Variants in FAM13A observed in about 807,000 individuals in gnomAD.
FAM13A encodes protein FAM13A.
Under a neutral mutation model 129.6 loss-of-function variants are expected in FAM13A, and 76 were observed. The observed-to-expected ratio is 0.59, with a 90% confidence interval of 0.49 to 0.71. The LOEUF is 0.71. Ranked by LOEUF, FAM13A falls within the 30% of genes least tolerant of loss-of-function variation. FAM13A has a pLI of 0.00. For synonymous variants in FAM13A, 443 were observed against 449.9 expected (o/e 0.98, Z 0.20); for missense variants, 1,108 against 1,249.3 (o/e 0.89, Z 1.70).
At chr4:88,927,013 T>C (rs1390103892) in intron 5 of FAM13A, among the ~76,000 whole-genome samples, 2 of 152,180 alleles carry the variant, frequency 1.3e-5, no homozygotes, top group Non-Finnish European at 2.9e-5. Flanking sequence ...ATTTTCTTTA[T>C]CCAATTCTCC....
intron 8 of FAM13A, among the ~76,000 whole-genome samples, chr4:88,802,888 C>A (rs945260481): frequency 2.0e-5 from 3 of 152,162 alleles, no homozygotes; most frequent in Non-Finnish European, 4.4e-5. Context: ...GTCATCTACC[C>A]TCCTTCCTTT....
At chr4:88,838,739 G>A (rs1023522562) in intron 7 of FAM13A, among the ~76,000 whole-genome samples, 1 of 143,818 alleles carries the variant, frequency 7.0e-6, no homozygotes, top group Non-Finnish European at 1.5e-5. Flanking sequence ...AAAAAAAAAA[G>A]AAAAAGAAAA....
At chr4:88,872,608 C>T (rs1410305117) in intron 6 of FAM13A, among the ~76,000 whole-genome samples, 2 of 152,248 alleles carry the variant, frequency 1.3e-5, no homozygotes, top group South Asian at 2.1e-4. Context: ...ATAAATGCTC[C>T]CAATACAGGA....
At chr4:88,747,509 G>T (rs112314839) in intron 18 of FAM13A, 122 bp downstream of exon 18, 6 of 806,914 alleles carry the variant, frequency 7.4e-6, no homozygotes, top group Non-Finnish European at 1.2e-5. Flanking sequence ...CCCTAGACAC[G>T]TAACAGCCTG....
chr4:88,736,908 T>C (rs1359110044), intron 21 of FAM13A, among the ~76,000 whole-genome samples: 1 of 152,184 alleles, frequency 6.6e-6, no homozygotes, highest in Admixed American at 6.5e-5. Flanking sequence ...CTAAATGTGC[T>C]ATGAGAAAGT....
chr4:88,883,516 G>A (rs1743927532), intron 6 of FAM13A, among the ~76,000 whole-genome samples: 1 of 152,080 alleles, frequency 6.6e-6, no homozygotes, highest in Admixed American at 6.6e-5. Flanking sequence ...CAAAGGTGGT[G>A]CTAAGGGGAA....
intron 3 of FAM13A, among the ~76,000 whole-genome samples, chr4:88,992,264 TTTC>T (rs1456541820): frequency 6.5e-5 from 8 of 122,928 alleles, no homozygotes; most frequent in Middle Eastern, 5.0e-3. Context: ...ATAACTTTTT[TTTC>T]TTCTTCTTTT....
chr4:88,775,000 T>G (rs922039163), intron 11 of FAM13A, among the ~76,000 whole-genome samples: 2 of 152,086 alleles, frequency 1.3e-5, no homozygotes, highest in Non-Finnish European at 1.5e-5. Flanking sequence ...TCTAAGTCAT[T>G]TGTAGAGGGG....
intron 11 of FAM13A, among the ~76,000 whole-genome samples, chr4:88,774,449 T>C (rs1721287998): frequency 6.6e-6 from 1 of 152,226 alleles, no homozygotes; most frequent in Non-Finnish European, 1.5e-5. Context: ...TAATTTTAAG[T>C]CAGTGGTTCA....
chr4:88,801,446 A>G (rs1304669963), intron 8 of FAM13A, among the ~76,000 whole-genome samples: 1 of 152,266 alleles, frequency 6.6e-6, no homozygotes, highest in African/African-American at 2.4e-5. Context: ...TTAATAATTT[A>G]GCCTCAGTTT....
chr4:88,898,703 G>A (rs993382729), intron 6 of FAM13A, among the ~76,000 whole-genome samples: 11 of 151,790 alleles, frequency 7.2e-5, no homozygotes, highest in African/African-American at 2.7e-4. Context: ...AGAATATATT[G>A]TCTTAGAACT....
At chr4:89,054,976 G>A (rs1772041421) in intron 1 of FAM13A, among the ~76,000 whole-genome samples, 1 of 152,122 alleles carries the variant, frequency 6.6e-6, no homozygotes, top group Middle Eastern at 3.2e-3. Context: ...CCAAAAAGAA[G>A]GCATTTAAGC....
At chr4:88,974,208 G>A (rs1157544214) in intron 4 of FAM13A, among the ~76,000 whole-genome samples, 1 of 152,080 alleles carries the variant, frequency 6.6e-6, no homozygotes. Flanking sequence ...TATCCACCGG[G>A]AGCTTCCAGC....
In FAM13A at chr4:88,942,878, AGGTTTTCTTT is replaced by A. The variant is rs1755017349; in HGVS notation, c.606-4647_606-4638del. Among the ~76,000 whole-genome samples the A allele has an allele frequency of 1.1e-4, 16 of 152,322 alleles. No homozygotes were observed. The South Asian group carries it at 3.3e-3, about 32-fold the overall frequency. ...GTATTTGGTTTCCTGTTTTAAAACA[AGGTTTTCTTT>A]AGTATTTATCTGCTCTTAGTAAAAA... On this transcript the variant is annotated intron_variant, in intron 4 of 23. Coordinates refer to ENST00000264344, the MANE Select transcript of FAM13A (RefSeq NM_014883.4).
At chr4:88,846,887 G>A (rs914991601) in intron 7 of FAM13A, among the ~76,000 whole-genome samples, 1 of 152,054 alleles carries the variant, frequency 6.6e-6, no homozygotes, top group Admixed American at 6.6e-5. Context: ...CCAATAACTT[G>A]TTCTGGCAAG....
intron 4 of FAM13A, among the ~76,000 whole-genome samples, chr4:88,981,515 T>C (rs772170324): frequency 8.5e-5 from 13 of 152,082 alleles, no homozygotes; most frequent in Admixed American, 7.2e-4. Context: ...CTTAAGAAAA[T>C]AGATTTTCCT....
chr4:88,865,035 C>T (rs1010204182), intron 6 of FAM13A, among the ~76,000 whole-genome samples: 3 of 151,680 alleles, frequency 2.0e-5, no homozygotes, highest in Admixed American at 1.3e-4. Context: ...AAAGTATCTG[C>T]GAAAAAATGT....
At chr4:88,963,270 G>C (rs1036208879) in intron 4 of FAM13A, among the ~76,000 whole-genome samples, 1 of 151,842 alleles carries the variant, frequency 6.6e-6, no homozygotes, top group African/African-American at 2.4e-5. Context: ...GCCACCCAAA[G>C]AGAGATTACT....
At chr4:88,795,881 A>G (rs543089639) in intron 8 of FAM13A, among the ~76,000 whole-genome samples, 1 of 151,914 alleles carries the variant, frequency 6.6e-6, no homozygotes, top group South Asian at 2.1e-4. Context: ...CTTTTAAAAA[A>G]TTATTATAAC....
Sources: allele counts gnomAD v4.1 joint callset (sites outside exome capture counted in the v4.1 genomes callset), GRCh38; gene constraint gnomAD v4.1.1; transcripts MANE v1.5; gene names NCBI Gene and HGNC (gene_info 2026-07-23, HGNC 2026-07-21).